Variants in RANBP2 observed in about 807,000 individuals in gnomAD.
The protein encoded by RANBP2 is RAN binding protein 2.
In RANBP2, 57 loss-of-function variants were observed where a neutral mutation model predicts 303.6. That is an observed-to-expected ratio of 0.19 (90% confidence interval 0.15 to 0.23). RANBP2 has a LOEUF of 0.23. Ranked by LOEUF, RANBP2 falls within the 10% of genes least tolerant of loss-of-function variation. The pLI is 1.00. For missense variants in RANBP2, 3,138 were observed against 3,780.8 expected, an observed-to-expected ratio of 0.83 and a Z score of 4.46; for synonymous variants, 1,167 against 1,301.5, an observed-to-expected ratio of 0.90 and a Z score of 2.23.
chr2:109,484,768 T>A, the RANBP2 span, among the ~76,000 whole-genome samples: 1 of 152,244 alleles, frequency 6.6e-6, no homozygotes, highest in Non-Finnish European at 1.5e-5. Flanking sequence ...TGACCCTGCC[T>A]GCCCTGAGAC....
the RANBP2 span, among the ~76,000 whole-genome samples, chr2:109,410,662 C>G: frequency 7.2e-5 from 11 of 152,244 alleles, no homozygotes. Flanking sequence ...TGCATGTCAG[C>G]CAGCTCCTTC....
chr2:109,658,526 A>T, the RANBP2 span, among the ~76,000 whole-genome samples: 2 of 152,250 alleles, frequency 1.3e-5, no homozygotes, highest in African/African-American at 4.8e-5. Context: ...TAGAGATAAG[A>T]TCCTTTCAGA....
At chr2:109,130,529 T>C in the RANBP2 span, among the ~76,000 whole-genome samples, 39 of 152,116 alleles carry the variant, frequency 2.6e-4, 1 homozygote, top group African/African-American at 9.4e-4. Flanking sequence ...AGGGCTCTGA[T>C]GGCTGCTCTG....
At chr2:109,546,311 A>T in the RANBP2 span, 1 of 963,874 alleles carries the variant, frequency 1.0e-6, no homozygotes, top group Non-Finnish European at 1.5e-6. Context: ...TCAGCAACAC[A>T]AAGGCGGACC....
At chr2:109,177,222 T>C in the RANBP2 span, among the ~76,000 whole-genome samples, 3 of 152,114 alleles carry the variant, frequency 2.0e-5, no homozygotes, top group African/African-American at 2.4e-5. Flanking sequence ...CCAGGGACGA[T>C]GATAGCTCCT....
the RANBP2 span, among the ~76,000 whole-genome samples, chr2:109,557,173 A>T: frequency 1.3e-5 from 2 of 152,136 alleles, no homozygotes; most frequent in Non-Finnish European, 2.9e-5. Flanking sequence ...AGTATAATAA[A>T]AAAAAATTTA....
the RANBP2 span, among the ~76,000 whole-genome samples, chr2:109,195,925 G>A: frequency 6.6e-6 from 1 of 152,186 alleles, no homozygotes; most frequent in Non-Finnish European, 1.5e-5. Context: ...ATTACTGACT[G>A]AGCACCTCGC....
At chr2:109,574,841 T>C in the RANBP2 span, 290 of 1,063,060 alleles carry the variant, frequency 2.7e-4, no homozygotes, top group African/African-American at 3.4e-3. Context: ...TCTTAGAAGT[T>C]TGAGGTCTAT....
chr2:109,465,453 A>G, the RANBP2 span, among the ~76,000 whole-genome samples: 154 of 152,334 alleles, frequency 1.0e-3, no homozygotes, highest in African/African-American at 3.7e-3. Flanking sequence ...CCAGCAATGA[A>G]TGAGAGTTCT....
chr2:109,385,783 C>T, the RANBP2 span, among the ~76,000 whole-genome samples: 1 of 152,214 alleles, frequency 6.6e-6, no homozygotes, highest in East Asian at 1.9e-4. Flanking sequence ...CCTGCAGCCA[C>T]TGGACTGAGG....
At chr2:108,725,965 G>T (rs1414296178) in intron 1 of RANBP2, among the ~76,000 whole-genome samples, 4 of 151,894 alleles carry the variant, frequency 2.6e-5, no homozygotes, top group African/African-American at 9.7e-5. Context: ...TTTTCTTTTA[G>T]ATGCGATTGT....
rs748977485 is a variant in RANBP2 at position 108,740,494 on chromosome 2, A to G, written c.788A>G (p.Asp263Gly). ...QESRELLQSF[D>G]SALQSVKSLG... ...TTGATATTTTCATATTACAGTTTTG[A>G]TAGTGCTCTTCAGTCTGTGAAATCT... The change falls in exon 7 of 29, where the codon GAT becomes GGT. Residue 263 changes from aspartate (D) to glycine (G), a missense_variant. Physicochemically the swap from Asp to Gly is moderately conservative, Grantham distance 94. This residue lies in a region of RANBP2 where 306 missense variants were observed against 381.9 expected (regional missense o/e 0.80). Coordinates refer to ENST00000283195, the MANE Select transcript of RANBP2 (RefSeq NM_006267.5). The G allele has an allele frequency of 1.3e-6, 2 of 1,597,564 alleles. No homozygotes were observed. The highest frequency in any genetic ancestry group is 1.1e-5 in the South Asian group (1 of 90,990).
the RANBP2 span, among the ~76,000 whole-genome samples, chr2:109,661,909 C>G: frequency 6.6e-6 from 1 of 152,158 alleles, no homozygotes; most frequent in South Asian, 2.1e-4. Context: ...CTTGACTTCT[C>G]CCTCTTCCCT....
the RANBP2 span, among the ~76,000 whole-genome samples, chr2:108,800,525 A>G: frequency 6.7e-6 from 1 of 149,030 alleles, no homozygotes; most frequent in African/African-American, 2.5e-5. Context: ...TCGCCCTCCC[A>G]AAGTGCTGGG....
the RANBP2 span, among the ~76,000 whole-genome samples, chr2:109,696,920 G>A: frequency 1.3e-5 from 2 of 152,186 alleles, no homozygotes; most frequent in East Asian, 3.9e-4. Flanking sequence ...TGAGACCACA[G>A]GTGCGCACCA....
the RANBP2 span, among the ~76,000 whole-genome samples, chr2:109,397,190 G>A: frequency 4.9e-3 from 752 of 152,198 alleles, 4 homozygotes; most frequent in African/African-American, 0.017. Context: ...CTCAGTTTCC[G>A]CTTGGTGAGG....
chr2:109,184,692 A>G, the RANBP2 span, among the ~76,000 whole-genome samples: 1 of 152,182 alleles, frequency 6.6e-6, no homozygotes, highest in Non-Finnish European at 1.5e-5. Context: ...TCCCCCTGCC[A>G]CCAGGAAGCA....
chr2:108,967,974 T>C, the RANBP2 span, among the ~76,000 whole-genome samples: 4 of 152,132 alleles, frequency 2.6e-5, no homozygotes, highest in Non-Finnish European at 5.9e-5. Flanking sequence ...AGAAAACAGC[T>C]CATGCACACA....
chr2:109,794,616 G>GCGGCGGCGGCGGCGGCGGCCGGGGGGGGA, the RANBP2 span: 1 of 617,672 alleles, frequency 1.6e-6, no homozygotes, highest in Non-Finnish European at 1.9e-6. Flanking sequence ...GGCGGGGGGG[G>GCGGCGGCGGCGGCGGCGGCCGGGGGGGGA]CGGCGGCGGC....
Sources: gnomAD v4.1 joint callset for allele counts (sites outside exome capture counted in the v4.1 genomes callset) on GRCh38, gnomAD v4.1.1 for gene constraint, gnomAD v4.1.1 regional missense constraint, MANE v1.5 for transcripts, NCBI Gene and HGNC (gene_info 2026-07-23, HGNC 2026-07-21) for gene names.